The following HPD variants were observed in gnomAD, a reference collection of about 807,000 sequenced individuals.
HPD encodes the protein 4-hydroxyphenylpyruvic acid oxidase.
Under a neutral mutation model 56.9 loss-of-function variants are expected in HPD, and 35 were observed. That is an observed-to-expected ratio of 0.62 (90% CI 0.47 to 0.82). The LOEUF (loss-of-function observed/expected upper bound fraction) is 0.82. Ranked by LOEUF, HPD falls within the 40% of genes least tolerant of loss-of-function variation. The pLI is 0.00. For missense variants in HPD, 442 were observed against 506.8 expected (o/e 0.87, Z 1.23); for synonymous variants, 186 against 200.2 (o/e 0.93, Z 0.60).
the HPD span, among the ~76,000 whole-genome samples, chr12:121,880,725 C>T: frequency 2.0e-5 from 3 of 152,116 alleles, no homozygotes; most frequent in Non-Finnish European, 4.4e-5. Context: ...CTTCTGGCCT[C>T]AAGTGATTCT....
the HPD span, among the ~76,000 whole-genome samples, chr12:121,886,558 G>T: frequency 6.6e-6 from 1 of 151,960 alleles, no homozygotes; most frequent in African/African-American, 2.4e-5. Context: ...TCTTCACGTG[G>T]ATTTGCTAAT....
the HPD span, among the ~76,000 whole-genome samples, chr12:121,887,853 A>G: frequency 6.6e-6 from 1 of 152,122 alleles, no homozygotes; most frequent in African/African-American, 2.4e-5. Flanking sequence ...CTGTTTTCCA[A>G]TGATTAGATT....
chr12:121,884,279 C>CA, the HPD span, among the ~76,000 whole-genome samples: 1 of 151,684 alleles, frequency 6.6e-6, no homozygotes, highest in Non-Finnish European at 1.5e-5. Flanking sequence ...TCCCCGGCCT[C>CA]AGCCTCCCAA....
intron 7 of HPD, among the ~76,000 whole-genome samples, chr12:121,853,467 C>A (rs768101589): frequency 6.7e-6 from 1 of 149,046 alleles, no homozygotes; most frequent in Non-Finnish European, 1.5e-5. Flanking sequence ...ACTAAAAATA[C>A]AAAATTTAGC....
chr12:121,854,937 G>A, intron 6 of HPD, 145 bp from the exon 7 acceptor site: 1 of 704,936 alleles, frequency 1.4e-6, no homozygotes, highest in Non-Finnish European at 2.6e-6. Flanking sequence ...GCCAGCTTCA[G>A]CCATTACCCC....
chr12:121,844,991 G>A (rs1877529841), intron 11 of HPD, among the ~76,000 whole-genome samples: 1 of 151,490 alleles, frequency 6.6e-6, no homozygotes, highest in Non-Finnish European at 1.5e-5. Context: ...GGCTGAGGCA[G>A]GAGAATCGCT....
the HPD span, among the ~76,000 whole-genome samples, chr12:121,877,708 G>A: frequency 1.3e-5 from 2 of 152,132 alleles, no homozygotes; most frequent in East Asian, 3.9e-4. Flanking sequence ...GCTCCAGCCT[G>A]GGTGACGGAT....
chr12:121,880,384 T>C, the HPD span, among the ~76,000 whole-genome samples: 2 of 152,014 alleles, frequency 1.3e-5, no homozygotes, highest in African/African-American at 4.8e-5. Context: ...TTAATAGAGA[T>C]GGGGTTTCAC....
At chr12:121,871,967 T>C in the HPD span, among the ~76,000 whole-genome samples, 6 of 150,970 alleles carry the variant, frequency 4.0e-5, no homozygotes, top group South Asian at 2.1e-4. Flanking sequence ...GCGCGGTGGC[T>C]CACGACTGTA....
upstream of HPD, among the ~76,000 whole-genome samples, chr12:121,864,512 C>G (rs1878269604): frequency 2.0e-5 from 3 of 147,036 alleles, no homozygotes; most frequent in South Asian, 6.5e-4. Flanking sequence ...ATGATTGTAC[C>G]ATTGTACTCC....
chr12:121,875,422 T>C, the HPD span, among the ~76,000 whole-genome samples: 1 of 148,180 alleles, frequency 6.7e-6, no homozygotes, highest in African/African-American at 2.6e-5. Flanking sequence ...CCTTTTTCTT[T>C]CTTTCTTTTT....
intron 11 of HPD, among the ~76,000 whole-genome samples, chr12:121,844,618 T>C (rs1051287203): frequency 1.3e-5 from 2 of 151,268 alleles, no homozygotes; most frequent in Non-Finnish European, 2.9e-5. Context: ...GCGAGGTGGC[T>C]CACGCCTGTA....
chr12:121,839,880 A>G (rs1877348986), intron 13 of HPD, 42 bp from the exon 14 acceptor site: 1 of 1,608,890 alleles, frequency 6.2e-7, no homozygotes, highest in African/African-American at 1.3e-5. Flanking sequence ...GACCCAGAAA[A>G]CCGAGTGTGC....
upstream of HPD, among the ~76,000 whole-genome samples, chr12:121,860,765 C>T (rs139865596): frequency 4.6e-5 from 7 of 152,316 alleles, no homozygotes; most frequent in East Asian, 1.3e-3. Context: ...CCTAGCTGGG[C>T]CTGGTAGTGA....
Position 121,857,752 on chromosome 12 carries a change from T to A in HPD, c.93+5A>T. ...CTCACTCCAGCACCTTGCCCCGGCT[T>A]CTACCTGCTTGGCGTTGCCAACCCA... On this transcript the variant is annotated splice_donor_5th_base_variant and intron_variant, in intron 3 of 13. Transcript: ENST00000289004. 1 of 1,613,458 alleles carries A rather than the reference T, an allele frequency of 6.2e-7. No individual in the cohort carries two copies. Among genetic ancestry groups the A allele is most frequent in the Non-Finnish European group, 8.5e-7 (1 of 1,179,432 alleles).
chr12:121,858,551 C>T, intron 2 of HPD, 136 bp downstream of exon 2: 1 of 905,962 alleles, frequency 1.1e-6, no homozygotes, highest in South Asian at 1.3e-5. Flanking sequence ...GGGGGTAAAG[C>T]TGAGTGTGCA....
the HPD span, among the ~76,000 whole-genome samples, chr12:121,874,837 C>T: frequency 6.6e-6 from 1 of 151,846 alleles, no homozygotes; most frequent in African/African-American, 2.4e-5. Flanking sequence ...TCTCTGCCCA[C>T]CGCAACCTCT....
At chr12:121,866,186 A>G (rs950349822), upstream of HPD, among the ~76,000 whole-genome samples, 2 of 151,678 alleles carry the variant, frequency 1.3e-5, no homozygotes, top group Non-Finnish European at 2.9e-5. Context: ...CTGTAGTCCC[A>G]GCTACTCGGG....
chr12:121,842,456 C>T (rs1877437910), intron 12 of HPD, among the ~76,000 whole-genome samples: 1 of 151,810 alleles, frequency 6.6e-6, no homozygotes, highest in Non-Finnish European at 1.5e-5. Flanking sequence ...TTCTTTTAGA[C>T]AGGGTATCAC....
Sources: allele counts gnomAD v4.1 joint callset (sites outside exome capture counted in the v4.1 genomes callset), GRCh38; gene constraint gnomAD v4.1.1; transcripts MANE v1.5; gene names NCBI Gene and HGNC (gene_info 2026-07-23, HGNC 2026-07-21).